TXNDC12: variants seen among roughly 807,000 people sequenced by gnomAD.
TXNDC12 encodes thioredoxin domain-containing protein 12.
TXNDC12 carries 22 observed loss-of-function variants against 24.2 expected under a neutral mutation model. That is an observed-to-expected ratio of 0.91 (90% CI 0.65 to 1.30). TXNDC12 has a LOEUF of 1.30. Ranked by LOEUF, TXNDC12 falls within the 50% of genes most tolerant of loss-of-function variation. The pLI is 0.00. For synonymous variants in TXNDC12, 58 were observed against 73.4 expected (o/e 0.79, Z 1.07); for missense variants, 184 against 205.8 (o/e 0.89, Z 0.65).
chr1:52,028,882 C>T (rs142861356), intron 2 of TXNDC12, among the ~76,000 whole-genome samples: 1 of 152,280 alleles, frequency 6.6e-6, no homozygotes, highest in East Asian at 1.9e-4. Flanking sequence ...AATCCCAGCA[C>T]TTTGGGAGGC....
chr1:52,040,490 G>A (rs904144706), intron 2 of TXNDC12, among the ~76,000 whole-genome samples: 2 of 152,124 alleles, frequency 1.3e-5, no homozygotes, highest in African/African-American at 4.8e-5. Context: ...CCCAGCCAGT[G>A]TGCAGAAGTT....
chr1:52,023,960 T>G (rs1397459414), intron 5 of TXNDC12, among the ~76,000 whole-genome samples: 1 of 151,962 alleles, frequency 6.6e-6, no homozygotes, highest in Non-Finnish European at 1.5e-5. Flanking sequence ...GATGCGCAAA[T>G]GGCTATTGAA....
At chr1:52,051,576 G>A (rs372208286) in intron 1 of TXNDC12, among the ~76,000 whole-genome samples, 3 of 151,926 alleles carry the variant, frequency 2.0e-5, no homozygotes, top group East Asian at 1.9e-4. Flanking sequence ...ATGGGGTTTC[G>A]CCATGTTGGC....
intron 2 of TXNDC12, chr1:52,032,303 C>T (rs570771138): frequency 2.0e-6 from 2 of 1,004,174 alleles, no homozygotes; most frequent in Admixed American, 1.1e-4. Context: ...AGATGTAGAA[C>T]TGTACCATCT....
intron 2 of TXNDC12, among the ~76,000 whole-genome samples, chr1:52,036,318 C>T (rs915641703): frequency 5.3e-5 from 8 of 151,846 alleles, no homozygotes; most frequent in African/African-American, 1.9e-4. Context: ...AAAATCTTTC[C>T]AGGAAGCAGG....
At chr1:52,032,858 C>T (rs777761305) in intron 2 of TXNDC12, 3 of 1,614,224 alleles carry the variant, frequency 1.9e-6, no homozygotes, top group East Asian at 2.2e-5. Flanking sequence ...TCTGTGGTAC[C>T]AGGAAGCGTG....
chr1:52,035,993 TTAAGA>T (rs1213245919), intron 2 of TXNDC12, among the ~76,000 whole-genome samples: 2 of 152,178 alleles, frequency 1.3e-5, no homozygotes, highest in African/African-American at 4.8e-5. Context: ...ATCTCTAAAA[TTAAGA>T]TAACAATAAT....
intron 1 of TXNDC12, among the ~76,000 whole-genome samples, chr1:52,045,186 A>G (rs983838090): frequency 6.6e-6 from 1 of 152,238 alleles, no homozygotes; most frequent in Admixed American, 6.5e-5. Flanking sequence ...TTCCAATTAC[A>G]TGACATTGGA....
At chr1:52,042,793 T>C (rs1270828392) in intron 1 of TXNDC12, among the ~76,000 whole-genome samples, 2 of 152,202 alleles carry the variant, frequency 1.3e-5, no homozygotes, top group East Asian at 1.9e-4. Context: ...TGGCTAATTC[T>C]GTATTTTTTG....
intron 2 of TXNDC12, chr1:52,033,478 G>A (rs371549703): frequency 1.9e-6 from 3 of 1,613,582 alleles, no homozygotes; most frequent in Non-Finnish European, 1.7e-6. Flanking sequence ...CGCCGCCCGT[G>A]CCAGGCAGTA....
chr1:52,029,503 A>G, intron 2 of TXNDC12, among the ~76,000 whole-genome samples: 1 of 152,214 alleles, frequency 6.6e-6, no homozygotes, highest in Non-Finnish European at 1.5e-5. Flanking sequence ...ACCCCATGTA[A>G]GTAGGTAGCC....
At chr1:52,036,943 G>A (rs1410859247) in intron 2 of TXNDC12, among the ~76,000 whole-genome samples, 1 of 152,068 alleles carries the variant, frequency 6.6e-6, no homozygotes, top group Non-Finnish European at 1.5e-5. Context: ...GTGAAGTCTT[G>A]TGTACATCTG....
At chr1:52,039,886 G>A (rs1685954011) in intron 2 of TXNDC12, among the ~76,000 whole-genome samples, 1 of 151,838 alleles carries the variant, frequency 6.6e-6, no homozygotes, top group African/African-American at 2.4e-5. Flanking sequence ...GTGGTCTATA[G>A]GTGTTTGTGT....
At chr1:52,048,856 C>T (rs1183695595) in intron 1 of TXNDC12, among the ~76,000 whole-genome samples, 1 of 150,432 alleles carries the variant, frequency 6.6e-6, no homozygotes, top group Non-Finnish European at 1.5e-5. Flanking sequence ...GACTCTGTCT[C>T]AAAAAAATAA....
At chr1:52,026,898 T>G (rs964784757) in intron 4 of TXNDC12, among the ~76,000 whole-genome samples, 1 of 152,064 alleles carries the variant, frequency 6.6e-6, no homozygotes, top group Non-Finnish European at 1.5e-5. Flanking sequence ...TAGCCTGGTG[T>G]GGTGGTGCAT....
chr1:52,031,802 AAAACACTGTATC>A (rs1179891428), intron 2 of TXNDC12, among the ~76,000 whole-genome samples: 1 of 152,220 alleles, frequency 6.6e-6, no homozygotes, highest in Non-Finnish European at 1.5e-5. Context: ...CTCAAGAGCA[AAAACACTGTATC>A]TAATTGGTCT....
At chr1:52,049,568 A>G (rs893970450) in intron 1 of TXNDC12, among the ~76,000 whole-genome samples, 1 of 152,264 alleles carries the variant, frequency 6.6e-6, no homozygotes, top group Non-Finnish European at 1.5e-5. Context: ...CCTAGGCAAC[A>G]GAGCAAGACT....
intron 2 of TXNDC12, among the ~76,000 whole-genome samples, 183 bp downstream of exon 2, chr1:52,041,354 A>G (rs1685986596): frequency 6.6e-6 from 1 of 152,034 alleles, no homozygotes. Flanking sequence ...AAAAAAAAGA[A>G]AAAAAACCCA....
intron 6 of TXNDC12, among the ~76,000 whole-genome samples, chr1:52,022,409 G>A (rs1404732036): frequency 2.0e-5 from 3 of 152,054 alleles, no homozygotes; most frequent in Admixed American, 1.3e-4. Flanking sequence ...GTTTGTGCTG[G>A]TGCTCTTCTC....
Sources: allele counts gnomAD v4.1 joint callset (sites outside exome capture counted in the v4.1 genomes callset), GRCh38; gene constraint gnomAD v4.1.1; transcripts MANE v1.5; gene names NCBI Gene and HGNC (gene_info 2026-07-23, HGNC 2026-07-21).